SPG7: variants seen among roughly 807,000 people sequenced by gnomAD.
The protein encoded by SPG7 is SPG7 matrix AAA peptidase subunit, paraplegin, also known as mitochondrial inner membrane m-AAA protease component paraplegin.
A neutral mutation model predicts 81.9 loss-of-function variants in SPG7; 103 were observed. That is an observed-to-expected ratio of 1.26 (90% CI 1.07 to 1.48). The LOEUF (loss-of-function observed/expected upper bound fraction) is 1.48. Ranked by LOEUF, SPG7 falls within the 40% of genes most tolerant of loss-of-function variation. SPG7 has a pLI of 0.00. For synonymous variants in SPG7, 534 were observed against 444.2 expected (o/e 1.20, Z -2.54); for missense variants, 1,241 against 1,087.3 (o/e 1.14, Z -1.99).
intron 1 of SPG7, among the ~76,000 whole-genome samples, chr16:89,509,363 G>A (rs12103234): frequency 0.43 from 65,762 of 151,654 alleles, 14,763 homozygotes; most frequent in East Asian, 0.67. Context: ...CGATTCTCCT[G>A]CCTCAGCCTC....
chr16:89,530,920 C>T (rs1050632198), intron 7 of SPG7, 112 bp downstream of exon 7: 63 of 1,449,952 alleles, frequency 4.3e-5, no homozygotes, highest in Admixed American at 2.8e-4. Context: ...CGTGGGTTGG[C>T]GGTGACCTCT....
chr16:89,546,533 G>T, intron 10 of SPG7, 125 bp from the exon 11 acceptor site: 1 of 784,196 alleles, frequency 1.3e-6, no homozygotes, highest in Non-Finnish European at 2.3e-6. Context: ...CAAAACTCAG[G>T]CATGATGGCA....
At chr16:89,536,706 G>T in intron 9 of SPG7, 1 of 1,603,558 alleles carries the variant, frequency 6.2e-7, no homozygotes, top group Non-Finnish European at 8.5e-7. Flanking sequence ...TGCTCTGGCT[G>T]TGTGGCGTGG....
intron 3 of SPG7, chr16:89,522,081 T>C (rs1431361544): frequency 6.6e-6 from 1 of 152,242 alleles, no homozygotes; most frequent in Admixed American, 6.5e-5. Context: ...CCTGAGAACA[T>C]AAATTTGCTC....
chr16:89,544,752 A>G lies in SPG7; in HGVS notation c.1429A>G (p.Ile477Val). 6 of 1,614,068 alleles carry G rather than the reference A, an allele frequency of 3.7e-6. No individual in the cohort carries two copies. Among genetic ancestry groups the G allele is most frequent in the South Asian group, 1.1e-5 (1 of 91,084 alleles). Reference protein sequence around the residue: ...RPGRLDRHVFIDLPTLQERRE... With the variant: ...RPGRLDRHVFVDLPTLQERRE... ...AGGCCGACTGGACCGGCACGTCTTC[A>G]TTGATCTCCCCACGCTGCAGGTCAG... The change falls in exon 10 of 17, where the codon ATT becomes GTT. Residue 477 changes from isoleucine (I) to valine (V), a missense_variant. Transcript: ENST00000645818.
At chr16:89,531,174 G>A (rs962218287) in intron 7 of SPG7, 44 of 373,710 alleles carry the variant, frequency 1.2e-4, no homozygotes, top group Non-Finnish European at 1.9e-4. Flanking sequence ...TTTCCTCCGC[G>A]GGCCTGGTAC....
chr16:89,537,501 C>CCG, intron 9 of SPG7: 1 of 999,126 alleles, frequency 1.0e-6, no homozygotes, highest in Admixed American at 5.4e-5. Context: ...CAGCCACACA[C>CCG]AGAAAAGGCT....
intron 10 of SPG7, chr16:89,545,932 G>A (rs572511561): frequency 8.9e-5 from 40 of 450,564 alleles, no homozygotes; most frequent in African/African-American, 4.9e-4. Context: ...CACTCACTGC[G>A]GCCTCAACCT....
chr16:89,515,825 A>C (rs1401721537), intron 3 of SPG7, among the ~76,000 whole-genome samples: 1 of 150,536 alleles, frequency 6.6e-6, no homozygotes, highest in East Asian at 2.0e-4. Context: ...CTCCTGCCTC[A>C]GCCTCTCGAG....
intron 9 of SPG7, among the ~76,000 whole-genome samples, chr16:89,536,009 T>G (rs2058410188): frequency 7.0e-6 from 1 of 142,906 alleles, no homozygotes; most frequent in Non-Finnish European, 1.5e-5. Flanking sequence ...CACTGTGGCC[T>G]CTCTGGTGCT....
rs993365544 is a variant in SPG7, at chr16:89,524,373, C to T, written c.618+126C>T. On this transcript the variant is annotated intron_variant, in intron 4 of 16. Coordinates refer to ENST00000645818, the MANE Select transcript of SPG7 (RefSeq NM_003119.4). ...TGGCTGTTGCCATCCTTTTGGATAC[C>T]TGTGATTGAGGGCATGCTTCTTTCT... The T allele has an allele frequency of 1.3e-5, 14 of 1,074,658 alleles. 1 individual carries two copies. In the South Asian group the frequency reaches 1.8e-4, roughly 14 times the overall value. 66.6% of individuals were successfully genotyped at this position (1,074,658 alleles called of 1,614,324 possible). A position where few individuals can be genotyped will look rare whatever the true frequency, so the allele number is the denominator to read the frequency against.
Position 89,531,984 on chromosome 16 carries a change from G to A in SPG7, c.1068G>A (p.Thr356=), listed in dbSNP as rs368612689. 3.8e-5 allele frequency: 62 copies of A among 1,613,868 alleles called. No homozygotes were observed. Among genetic ancestry groups the A allele is most frequent in the Non-Finnish European group, 4.6e-5 (54 of 1,179,856 alleles). Residue 356 remains threonine, a synonymous_variant, in exon 8 of 17, where the codon ACG becomes ACA. Coordinates refer to ENST00000645818, the MANE Select transcript of SPG7 (RefSeq NM_003119.4). ...LLLGPPGCGK[T]LLAKAVATEA... ...TCGGCCCCCCCGGCTGTGGGAAGACGCTGCTGGCCAAGGCGGTGGCCACGG... is the reference window on the plus strand; with the variant it reads ...TCGGCCCCCCCGGCTGTGGGAAGACACTGCTGGCCAAGGCGGTGGCCACGG...
At chr16:89,540,770 C>G in intron 9 of SPG7, 1 of 440,222 alleles carries the variant, frequency 2.3e-6, no homozygotes, top group Non-Finnish European at 3.0e-6. Context: ...CACATGCGCT[C>G]ACCACATGAC....
intron 16 of SPG7, 122 bp from the exon 17 acceptor site, chr16:89,556,765 A>G: frequency 1.3e-6 from 1 of 792,496 alleles, no homozygotes; most frequent in South Asian, 1.4e-5. Context: ...TCCCTGGGAA[A>G]GTGGCCTGTC....
At chr16:89,512,599 C>T (rs941324095) in intron 2 of SPG7, among the ~76,000 whole-genome samples, 8 of 152,236 alleles carry the variant, frequency 5.3e-5, no homozygotes, top group Middle Eastern at 3.2e-3. Context: ...GCATGAGCCA[C>T]CACGCCTGGC....
At position 89,532,826 on chromosome 16, in the gene SPG7, G is replaced by A. The variant is rs941079099; in HGVS notation, c.1324+190G>A. ...AGACCCGGCGCAGTGGCTCACGCCT[G>A]TAATCCCAGCACTTTGGGAGGCCAA... On this transcript the variant is annotated intron_variant, in intron 9 of 16. Coordinates refer to ENST00000645818, the MANE Select transcript of SPG7 (RefSeq NM_003119.4). 11 of 686,286 alleles carry A rather than the reference G, an allele frequency of 1.6e-5. No homozygotes were observed. In the African/African-American group the frequency reaches 1.6e-4, roughly 10 times the overall value. The allele number at this position is 686,286 out of a possible 1,614,324, so 42.5% of individuals were successfully genotyped here. A position where few individuals can be genotyped will look rare whatever the true frequency, so the allele number is the denominator to read the frequency against.
In SPG7 at chr16:89,557,313, A is replaced by T; in HGVS notation, c.*220A>T. 1 of 572,692 alleles carries T rather than the reference A, an allele frequency of 1.7e-6. No individual in the cohort carries two copies. The highest frequency in any genetic ancestry group is 3.1e-6 in the Non-Finnish European group (1 of 320,032). The allele number at this position is 572,692 out of a possible 1,614,324, so 35.5% of individuals were successfully genotyped here. Reference sequence around the variant, plus strand: ...CCTGTGTTTGTGAGTCGTTTCCCCTATGGGGAAGGTTATCAGTGCTTCCCG... The same window carrying T: ...CCTGTGTTTGTGAGTCGTTTCCCCTTTGGGGAAGGTTATCAGTGCTTCCCG... On this transcript the variant is annotated 3_prime_UTR_variant, in exon 17 of 17. Transcript: ENST00000645818.
At chr16:89,554,618 C>T (rs761341342) in intron 16 of SPG7, 55 bp downstream of exon 16, 4 of 1,128,322 alleles carry the variant, frequency 3.5e-6, no homozygotes, top group African/African-American at 1.5e-5. Flanking sequence ...CCACACAGCA[C>T]CCACGGTCCC....
intron 4 of SPG7, among the ~76,000 whole-genome samples, chr16:89,524,600 C>T (rs543567726): frequency 2.0e-5 from 3 of 152,188 alleles, no homozygotes; most frequent in African/African-American, 4.8e-5. Flanking sequence ...TGCACCACAA[C>T]GCCTGGCTAA....
Sources: allele counts gnomAD v4.1 joint callset (sites outside exome capture counted in the v4.1 genomes callset), GRCh38; gene constraint gnomAD v4.1.1; transcripts MANE v1.5; gene names NCBI Gene and HGNC (gene_info 2026-07-23, HGNC 2026-07-21).